The following VRK2 variants were observed in gnomAD, a reference collection of about 807,000 sequenced individuals.
VRK2 encodes serine/threonine-protein kinase VRK2.
In VRK2, 60 loss-of-function variants were observed where a neutral mutation model predicts 57.6. The ratio of observed to expected loss-of-function variants is 1.04; its 90% confidence interval spans 0.85 to 1.29. VRK2 has a LOEUF of 1.29. VRK2 is among the 50% of genes most tolerant of loss of function. The pLI is 0.00. For synonymous variants in VRK2, 231 were observed against 199.2 expected, an observed-to-expected ratio of 1.16 and a Z score of -1.35; for missense variants, 705 against 588.1, an observed-to-expected ratio of 1.20 and a Z score of -2.06.
rs570638183 is a variant in VRK2, at chr2:58,123,878, C to T, written c.676+645C>T. On this transcript the variant is annotated intron_variant, in intron 8 of 12. Coordinates refer to ENST00000340157, the MANE Select transcript of VRK2 (RefSeq NM_006296.7). ...GAAAAAAAAAAAAAAGTTGCACATA[C>T]GAACAATTATTCCTGTTTTTCCATT... is the stretch of plus-strand genomic sequence containing the variant. Among the ~76,000 whole-genome samples, 280 of 151,846 alleles carry T rather than the reference C, an allele frequency of 1.8e-3. 1 individual carries two copies. Among genetic ancestry groups the T allele is most frequent in the Non-Finnish European group, 3.3e-3 (224 of 67,938 alleles).
chr2:58,132,734 A>G (rs993667633), intron 9 of VRK2, among the ~76,000 whole-genome samples: 1 of 152,216 alleles, frequency 6.6e-6, no homozygotes, highest in Non-Finnish European at 1.5e-5. Flanking sequence ...GCTGATTCAT[A>G]GAAATCTATC....
In VRK2 at chr2:57,925,136, C is replaced by A. The variant is rs371049744; in HGVS notation, c.-439+17297C>A. 3.5e-4 allele frequency among the ~76,000 whole-genome samples: 53 copies of A among 151,956 alleles called. 1 individual carries two copies. In the South Asian group the frequency reaches 0.01, roughly 30 times the overall value. Reference sequence around the variant, plus strand: ...GTATTTTGTTGAGGATTTTTCCATCCATATTCATCAGAAATATTGGCTGGA... The same window carrying A: ...GTATTTTGTTGAGGATTTTTCCATCAATATTCATCAGAAATATTGGCTGGA... On this transcript the variant is annotated intron_variant, in intron 1 of 15. Transcript: ENST00000417641.
chr2:58,133,987 T>C (rs1279675950), intron 9 of VRK2, among the ~76,000 whole-genome samples: 3 of 152,182 alleles, frequency 2.0e-5, no homozygotes, highest in Admixed American at 6.5e-5. Context: ...TTGTTTAGTA[T>C]TGGGGCCCAG....
At chr2:58,092,994 C>T (rs1180777483) in intron 7 of VRK2, among the ~76,000 whole-genome samples, 1 of 152,162 alleles carries the variant, frequency 6.6e-6, no homozygotes, top group African/African-American at 2.4e-5. Context: ...GACATGAACT[C>T]ATCCTTTTTT....
At chr2:57,932,248 T>C (rs1670752902) in intron 1 of VRK2, among the ~76,000 whole-genome samples, 1 of 152,156 alleles carries the variant, frequency 6.6e-6, no homozygotes, top group Non-Finnish European at 1.5e-5. Context: ...CCTCTTCAAT[T>C]TTTTGGAAGA....
chr2:58,149,871 A>G (rs79186165), intron 12 of VRK2, among the ~76,000 whole-genome samples: 1,713 of 151,502 alleles, frequency 0.011, 36 homozygotes, highest in African/African-American at 0.039. Flanking sequence ...GTTAGGCATG[A>G]TGTGTTTTCC....
chr2:58,038,600 C>T (rs780264536), intron 3 of VRK2, among the ~76,000 whole-genome samples: 2 of 152,110 alleles, frequency 1.3e-5, no homozygotes, highest in Admixed American at 6.5e-5. Flanking sequence ...TTATCTACCC[C>T]AGATTTACCA....
At chr2:57,976,555 G>T (rs1199541660) in intron 1 of VRK2, among the ~76,000 whole-genome samples, 1 of 151,636 alleles carries the variant, frequency 6.6e-6, no homozygotes, top group African/African-American at 2.4e-5. Flanking sequence ...TTTTTAATAG[G>T]GTTGTTTGTT....
chr2:58,015,765 T>C (rs1375526178), intron 1 of VRK2, among the ~76,000 whole-genome samples: 1 of 152,190 alleles, frequency 6.6e-6, no homozygotes, highest in Non-Finnish European at 1.5e-5. Context: ...AGATGGTATG[T>C]TTTGTGAGCC....
rs1365812094 is a variant in VRK2 at position 58,048,938 on chromosome 2, G to A, written c.107G>A (p.Gly36Asp). The A allele has an allele frequency of 6.2e-7, 1 of 1,613,654 alleles. No individual in the cohort carries two copies. Among genetic ancestry groups the A allele is most frequent in the Non-Finnish European group, 8.5e-7 (1 of 1,179,848 alleles). ...CAGTGGGTACTGGGCAAGAAGATTGGCTCTGGAGGATTTGGATTGATATAT... is the reference window on the plus strand; with the variant it reads ...CAGTGGGTACTGGGCAAGAAGATTGACTCTGGAGGATTTGGATTGATATAT... ...GNQWVLGKKI[G>D]SGGFGLIYLA... Residue 36 changes from glycine (G) to aspartate (D), a missense_variant, in exon 2 of 13, where the codon GGC (glycine) becomes GAC (aspartate). By Grantham distance (94) the Gly-to-Asp change is moderately conservative. Transcript: ENST00000340157.
intron 1 of VRK2, among the ~76,000 whole-genome samples, chr2:57,947,501 A>G (rs1323872636): frequency 1.3e-5 from 2 of 152,184 alleles, no homozygotes; most frequent in African/African-American, 2.4e-5. Flanking sequence ...CCAGCTTGAC[A>G]CATGGCAGAC....
intron 1 of VRK2, among the ~76,000 whole-genome samples, chr2:57,911,468 G>C (rs1669983529): frequency 6.6e-6 from 1 of 152,144 alleles, no homozygotes; most frequent in Admixed American, 6.5e-5. Context: ...GCAGAAACCA[G>C]CTCTGACCAA....
At chr2:57,925,423 T>C (rs904248195) in intron 1 of VRK2, among the ~76,000 whole-genome samples, 4 of 152,156 alleles carry the variant, frequency 2.6e-5, no homozygotes, top group Non-Finnish European at 5.9e-5. Flanking sequence ...TGATTCAATC[T>C]TGGTAGATTG....
chr2:58,145,390 A>G (rs559091966), intron 11 of VRK2, among the ~76,000 whole-genome samples: 1 of 152,124 alleles, frequency 6.6e-6, no homozygotes, highest in African/African-American at 2.4e-5. Context: ...CAACATCACA[A>G]GCTCCTTTTA....
intron 3 of VRK2, among the ~76,000 whole-genome samples, chr2:58,039,471 A>G (rs1674377408): frequency 1.3e-5 from 2 of 151,742 alleles, no homozygotes; most frequent in South Asian, 4.1e-4. Flanking sequence ...TTTCTCCTCT[A>G]GCCTTCTTAA....
chr2:57,929,570 C>A (rs1389728856), intron 1 of VRK2, among the ~76,000 whole-genome samples: 1 of 152,122 alleles, frequency 6.6e-6, no homozygotes, highest in East Asian at 1.9e-4. Flanking sequence ...TGAGCTGGTA[C>A]CTAAGGTGGA....
At chr2:58,047,274 C>T (rs1674953822) in intron 1 of VRK2, 2 of 363,796 alleles carry the variant, frequency 5.5e-6, no homozygotes, top group South Asian at 2.2e-4. Flanking sequence ...TCCGCAGGGT[C>T]AGGGGCCGCG....
chr2:58,110,429 G>T (rs1294488349), intron 7 of VRK2, among the ~76,000 whole-genome samples: 1 of 152,186 alleles, frequency 6.6e-6, no homozygotes, highest in South Asian at 2.1e-4. Flanking sequence ...AAAAGGGAAT[G>T]AAGCATGGAA....
At position 57,968,809 on chromosome 2, in the gene VRK2, C is replaced by T. The variant is rs554512844; in HGVS notation, c.-438-56856C>T. Among the ~76,000 whole-genome samples, 56 of 152,054 alleles carry T rather than the reference C, an allele frequency of 3.7e-4. 1 individual carries two copies. Among genetic ancestry groups the T allele is most frequent in the African/African-American group, 1.3e-3 (52 of 41,490 alleles). ...AGCCCAAAGCAATGTTGTTCTGTTA[C>T]GAAAACATCAAATTCATGGAATGTT... On this transcript the variant is annotated intron_variant, in intron 1 of 15. Transcript: ENST00000417641.
Sources: allele counts gnomAD v4.1 joint callset (sites outside exome capture counted in the v4.1 genomes callset), GRCh38; gene constraint gnomAD v4.1.1; transcripts MANE v1.5; gene names NCBI Gene and HGNC (gene_info 2026-07-23, HGNC 2026-07-21).